The following RC3H2 variants were observed in gnomAD, a reference collection of about 807,000 sequenced individuals.
RC3H2 encodes ring finger and CCCH-type domains 2, also known as roquin-2.
A neutral mutation model predicts 133.3 loss-of-function variants in RC3H2; 31 were observed. The observed-to-expected ratio is 0.23, with a 90% confidence interval of 0.17 to 0.31. The LOEUF (loss-of-function observed/expected upper bound fraction) is 0.31. Ranked by LOEUF, RC3H2 falls within the 10% of genes least tolerant of loss-of-function variation. The pLI, the probability that RC3H2 is intolerant of heterozygous loss-of-function variation, is 1.00. For synonymous variants in RC3H2, 517 were observed against 502.2 expected, an observed-to-expected ratio of 1.03 and a Z score of -0.40; for missense variants, 1,175 against 1,437.2, an observed-to-expected ratio of 0.82 and a Z score of 2.95.
chr9:122,867,410 G>C (rs558929235), intron 9 of RC3H2, among the ~76,000 whole-genome samples: 5 of 145,238 alleles, frequency 3.4e-5, no homozygotes, highest in African/African-American at 1.0e-4. Context: ...AGGGAGGTTG[G>C]GGGGTCAGCA....
At position 122,848,674 on chromosome 9, in the gene RC3H2, C is replaced by T. The variant is rs1829918121; in HGVS notation, c.*953G>A. ...GTTTAAATTAAAAACCCAGCAATACCATCTTGTTAGTCAGTGCAAACGCTA... is the reference window on the plus strand; with the variant it reads ...GTTTAAATTAAAAACCCAGCAATACTATCTTGTTAGTCAGTGCAAACGCTA... On this transcript the variant is annotated 3_prime_UTR_variant, in exon 21 of 21. Coordinates refer to ENST00000357244, the MANE Select transcript of RC3H2 (RefSeq NM_001100588.3). 1 of 152,084 alleles carries T rather than the reference C, an allele frequency of 6.6e-6. No individual in the cohort carries two copies. The highest frequency in any genetic ancestry group is 1.5e-5 in the Non-Finnish European group (1 of 67,996). The allele number at this position is 152,084 out of a possible 1,614,324, so 9.4% of individuals were successfully genotyped here.
rs753856274 is a variant in RC3H2 at position 122,883,398 on chromosome 9, C to T, written c.584-19G>A. 7.6e-6 allele frequency: 12 copies of T among 1,574,146 alleles called. No homozygotes were observed. The East Asian group carries it at 1.4e-4, about 18-fold the overall frequency. On this transcript the variant is annotated intron_variant, in intron 4 of 20. Coordinates refer to ENST00000357244, the MANE Select transcript of RC3H2 (RefSeq NM_001100588.3). Reference sequence around the variant, plus strand: ...TGCATAGCTAAAAATATTAAAGGAACATGAGTTCATGACAAATGAGGAACC... The same window carrying T: ...TGCATAGCTAAAAATATTAAAGGAATATGAGTTCATGACAAATGAGGAACC...
chr9:122,878,357 C>A (rs28750180), intron 8 of RC3H2, among the ~76,000 whole-genome samples: 92 of 152,088 alleles, frequency 6.0e-4, no homozygotes, highest in African/African-American at 2.1e-3. Context: ...AGCTCCACTT[C>A]CCGGGTTCAG....
chr9:122,899,103 T>G (rs1293078198), intron 1 of RC3H2, among the ~76,000 whole-genome samples: 37 of 136,514 alleles, frequency 2.7e-4, no homozygotes, highest in African/African-American at 9.7e-4. Flanking sequence ...TTTTTTTTTT[T>G]TTTTTTTTTT....
In RC3H2 at chr9:122,855,339, G is replaced by A; in HGVS notation, c.2660C>T (p.Thr887Ile). Residue 887 changes from threonine to isoleucine, a missense_variant, in exon 15 of 21, where the codon ACA becomes ATA. Physicochemically the swap from Thr to Ile is moderately conservative, Grantham distance 89. This residue lies in a region of RC3H2 where 138 missense variants were observed against 215.0 expected (regional missense o/e 0.64). Transcript: ENST00000357244. ...GGGAATTATTGGATCTTCTTCTTTT[G>A]TCCTTCTCTGGGTTTCAAATAAATG... ...RVHLFETQRR[T>I]KEEDPIIPFS... 1 of 1,613,982 alleles carries A rather than the reference G, an allele frequency of 6.2e-7. No homozygotes were observed. The highest frequency in any genetic ancestry group is 1.1e-5 in the South Asian group (1 of 91,082).
intron 5 of RC3H2, among the ~76,000 whole-genome samples, chr9:122,882,562 A>G (rs1831693932): frequency 6.6e-6 from 1 of 152,226 alleles, no homozygotes; most frequent in Non-Finnish European, 1.5e-5. Context: ...CCCAGCCAGC[A>G]ACCTACACTC....
At chr9:122,866,381 T>TCCCCCTCC (rs1381115388) in intron 9 of RC3H2, among the ~76,000 whole-genome samples, 1 of 18,758 alleles carries the variant, frequency 5.3e-5, no homozygotes, top group Admixed American at 4.6e-4. Flanking sequence ...CCCTCCCCCC[T>TCCCCCTCC]CCCTCTCCCC....
intron 9 of RC3H2, among the ~76,000 whole-genome samples, chr9:122,871,676 C>T (rs987068575): frequency 4.6e-5 from 7 of 152,018 alleles, no homozygotes; most frequent in Admixed American, 4.6e-4. Context: ...AAGAGATCTC[C>T]CCTTTCTCAA....
Position 122,880,130 on chromosome 9 carries a change from C to T in RC3H2, c.961-5G>A, listed in dbSNP as rs376071945. 4.3e-6 allele frequency: 7 copies of T among 1,613,794 alleles called. No individual in the cohort carries two copies. In the African/African-American group the frequency reaches 8.0e-5, roughly 18 times the overall value. On this transcript the variant is annotated splice_region_variant and splice_polypyrimidine_tract_variant and intron_variant, in intron 6 of 20. Transcript: ENST00000357244. ...AAATGACTCTGGAGACTGTAGCTAA[C>T]AAACAGAAATGAGAATGCTTTTTAC...
Position 122,903,575 on chromosome 9 carries a change from A to C in RC3H2, c.-68+1535T>G, listed in dbSNP as rs936948976. Among the ~76,000 whole-genome samples, 6 of 152,264 alleles carry C rather than the reference A, an allele frequency of 3.9e-5. No individual in the cohort carries two copies. The East Asian group carries it at 9.6e-4, about 24-fold the overall frequency. Reference sequence around the variant, plus strand: ...GTCAGGTTACCACAACAGAAATAACAGATCAGGGGTAACTCAAAGGATCCA... The same window carrying C: ...GTCAGGTTACCACAACAGAAATAACCGATCAGGGGTAACTCAAAGGATCCA... On this transcript the variant is annotated intron_variant, in intron 1 of 20. Transcript: ENST00000357244.
intron 1 of RC3H2, among the ~76,000 whole-genome samples, chr9:122,903,868 AG>A (rs1832745389): frequency 1.3e-5 from 2 of 152,368 alleles, no homozygotes; most frequent in South Asian, 4.1e-4. Context: ...AAGCTACAAC[AG>A]TGGTATAGCT....
intron 15 of RC3H2, 44 bp downstream of exon 15, chr9:122,855,140 A>C: frequency 1.6e-6 from 2 of 1,252,458 alleles, no homozygotes; most frequent in Non-Finnish European, 2.3e-6. Flanking sequence ...AAAAAGGCAT[A>C]GTGCTTAGAA....
In RC3H2 at chr9:122,849,784, A is replaced by C; in HGVS notation, c.3419T>G (p.Phe1140Cys). The change falls in exon 21 of 21, where the codon TTT (phenylalanine) becomes TGT (cysteine). Residue 1140 changes from phenylalanine to cysteine, a missense_variant. By Grantham distance (205) the Phe-to-Cys change is radical. Transcript: ENST00000357244. The stretch of plus-strand genomic sequence containing the variant: ...AATAGACACTGGGAGTGGCTGGCTA[A>C]AGCAAGAAGTTACCGGCAGAATTGT... The part of the protein sequence containing the change: ...QKTILPVTSC[F>C]SQPLPVSISN... 5 of 1,579,566 alleles carry C rather than the reference A, an allele frequency of 3.2e-6. No individual in the cohort carries two copies. Among genetic ancestry groups the C allele is most frequent in the Non-Finnish European group, 4.3e-6 (5 of 1,165,924 alleles).
chr9:122,897,492 A>G lies in RC3H2; in HGVS notation c.18T>C (p.Ala6=), dbSNP rs908362184. Reference sequence around the variant, plus strand: ...GACAGGACAGAAATTCTGTCCATTGAGCTGCCTGCACAGGCATTGTGGAAG... The same window carrying G: ...GACAGGACAGAAATTCTGTCCATTGGGCTGCCTGCACAGGCATTGTGGAAG... MPVQA[A]QWTEFLSCPI... Residue 6 remains alanine (A), a synonymous_variant, in exon 2 of 21, where the codon GCT becomes GCC. Transcript: ENST00000357244. 2 of 1,613,292 alleles carry G rather than the reference A, an allele frequency of 1.2e-6. No individual in the cohort carries two copies. The highest frequency in any genetic ancestry group is 1.7e-6 in the Non-Finnish European group (2 of 1,179,574).
Position 122,859,067 on chromosome 9 carries a change from C to T in RC3H2, c.1885G>A (p.Val629Met). The T allele has an allele frequency of 6.2e-7, 1 of 1,601,160 alleles. No individual in the cohort carries two copies. Among genetic ancestry groups the T allele is most frequent in the Non-Finnish European group, 8.5e-7 (1 of 1,171,836 alleles). The part of the protein sequence containing the change: ...YPPPPTVPAG[V>M]APCVPRFVRS... ...ACAAAGCGAGGAACACAGGGAGCCA[C>T]ACCAGCTGGTACCGTTGGAGGTGGT... Residue 629 changes from valine to methionine, a missense_variant, in exon 12 of 21, where the codon GTG becomes ATG. Val to Met is a conservative substitution (Grantham distance 21, BLOSUM62 1). Around this residue, in one of 8 missense-constraint regions of RC3H2, gnomAD observed 490 missense variants for 492.8 expected, o/e 0.99. Transcript: ENST00000357244.
At position 122,858,972 on chromosome 9, in the gene RC3H2, T is replaced by G. The variant is rs1298706720; in HGVS notation, c.1980A>C (p.Thr660=). 51 of 1,613,632 alleles carry G rather than the reference T, an allele frequency of 3.2e-5. No homozygotes were observed. Among genetic ancestry groups the G allele is most frequent in the South Asian group, 9.9e-5 (9 of 91,066 alleles). Reference sequence around the variant, plus strand: ...AATTCATTCGATCTCGAGGGGAAAATGTACTGTAATGATCGGCATATGGCA... The same window carrying G: ...AATTCATTCGATCTCGAGGGGAAAAGGTACTGTAATGATCGGCATATGGCA... ...ASMPYADHYS[T]FSPRDRMNSS... The change falls in exon 12 of 21, where the codon ACA becomes ACC. Residue 660 remains threonine (T), a synonymous_variant. Coordinates refer to ENST00000357244, the MANE Select transcript of RC3H2 (RefSeq NM_001100588.3).
intron 9 of RC3H2, among the ~76,000 whole-genome samples, chr9:122,876,751 G>A (rs529603012): frequency 6.6e-6 from 1 of 152,012 alleles, no homozygotes; most frequent in East Asian, 1.9e-4. Context: ...TTGGATAATA[G>A]TATTAAACCT....
intron 9 of RC3H2, among the ~76,000 whole-genome samples, chr9:122,872,282 C>G (rs1378321318): frequency 6.6e-6 from 1 of 152,136 alleles, no homozygotes; most frequent in Non-Finnish European, 1.5e-5. Context: ...AGCTCTACTT[C>G]CAAAATATAT....
chr9:122,884,833 C>T (rs1367049334), intron 4 of RC3H2, among the ~76,000 whole-genome samples: 1 of 145,104 alleles, frequency 6.9e-6, no homozygotes, highest in Non-Finnish European at 1.5e-5. Flanking sequence ...AGCCTGGCGA[C>T]ATAGCGAAAG....
Sources: gnomAD v4.1 joint callset for allele counts (sites outside exome capture counted in the v4.1 genomes callset) on GRCh38, gnomAD v4.1.1 for gene constraint, gnomAD v4.1.1 regional missense constraint, MANE v1.5 for transcripts, NCBI Gene and HGNC (gene_info 2026-07-23, HGNC 2026-07-21) for gene names.